The following CNGA1 variants were observed in gnomAD, a reference collection of about 807,000 sequenced individuals.
The protein encoded by CNGA1 is cyclic nucleotide-gated channel alpha-1.
In CNGA1, 53 loss-of-function variants were observed where a neutral mutation model predicts 69.7. The ratio of observed to expected loss-of-function variants is 0.76; its 90% CI spans 0.61 to 0.96. CNGA1 has a LOEUF of 0.96. Among genes scored for constraint, CNGA1 ranks in the 40% least tolerant of loss-of-function variants. The pLI is 0.00. For missense variants in CNGA1, 739 were observed against 811.2 expected (o/e 0.91, Z 1.08); for synonymous variants, 249 against 283.5 (o/e 0.88, Z 1.22).
intron 1 of CNGA1, among the ~76,000 whole-genome samples, chr4:48,013,325 TGATAACACAACCCCATGACACA>T (rs1715247003): frequency 6.6e-6 from 1 of 152,192 alleles, no homozygotes; most frequent in Non-Finnish European, 1.5e-5. Context: ...TTGCCAAGGT[TGATAACACAACCCCATGACACA>T]GCCTCAGGAG....
chr4:48,000,439 G>A (rs941147691), intron 2 of CNGA1, among the ~76,000 whole-genome samples: 6 of 151,326 alleles, frequency 4.0e-5, no homozygotes, highest in East Asian at 3.9e-4. Flanking sequence ...GCATGATCTC[G>A]GCTCACCGCA....
In CNGA1 at chr4:47,936,210, A is replaced by T. The variant is rs1211866457; in HGVS notation, c.*211T>A. On this transcript the variant is annotated 3_prime_UTR_variant, in exon 11 of 11. Coordinates refer to ENST00000514170, the MANE Select transcript of CNGA1 (RefSeq NM_001379270.1). ...TAATCAGTTTATATCTTTGCACATT[A>T]TCAGTTGTGAAAAATCCCAAGATAT... The T allele has an allele frequency of 1.7e-6, 1 of 602,114 alleles. No individual in the cohort carries two copies. The highest frequency in any genetic ancestry group is 2.9e-6 in the Non-Finnish European group (1 of 341,176). 37.3% of individuals were successfully genotyped at this position (602,114 alleles called of 1,614,324 possible).
At chr4:47,972,855 A>G (rs189575886) in intron 3 of CNGA1, among the ~76,000 whole-genome samples, 131 of 152,286 alleles carry the variant, frequency 8.6e-4, no homozygotes, top group African/African-American at 3.0e-3. Flanking sequence ...GAAGCATAAA[A>G]TCCTGCCATC....
chr4:47,943,746 A>T (rs944313302), intron 6 of CNGA1, among the ~76,000 whole-genome samples: 14 of 152,250 alleles, frequency 9.2e-5, no homozygotes, highest in Admixed American at 8.5e-4. Context: ...AATAATATTT[A>T]AAATTTAAGC....
At chr4:47,961,485 G>T (rs1345414844) in intron 3 of CNGA1, among the ~76,000 whole-genome samples, 2 of 152,240 alleles carry the variant, frequency 1.3e-5, no homozygotes, top group Non-Finnish European at 2.9e-5. Flanking sequence ...GCTCATGCCA[G>T]TAATCTCAGC....
At chr4:48,003,105 T>C (rs1023323694) in intron 2 of CNGA1, among the ~76,000 whole-genome samples, 2 of 152,102 alleles carry the variant, frequency 1.3e-5, no homozygotes, top group Non-Finnish European at 2.9e-5. Context: ...GGTCAGAGCA[T>C]CACTGGGTTT....
At chr4:47,959,206 C>T (rs1351844965) in intron 3 of CNGA1, 1 of 152,060 alleles carries the variant, frequency 6.6e-6, no homozygotes, top group Non-Finnish European at 1.5e-5. Context: ...CTCGCAAAAA[C>T]TATCATGTTT....
intron 10 of CNGA1, among the ~76,000 whole-genome samples, chr4:47,939,725 C>T (rs972106542): frequency 3.3e-5 from 5 of 152,126 alleles, no homozygotes; most frequent in African/African-American, 2.4e-5. Context: ...GTAGAGGAAA[C>T]GCCATATACA....
chr4:48,004,136 TA>T (rs948805884), intron 2 of CNGA1, among the ~76,000 whole-genome samples: 7 of 152,214 alleles, frequency 4.6e-5, no homozygotes, highest in African/African-American at 1.7e-4. Flanking sequence ...AATAATAATG[TA>T]AGCTGTTTCT....
At chr4:47,943,044 A>C in intron 8 of CNGA1, 137 bp downstream of exon 8, 1 of 644,872 alleles carries the variant, frequency 1.6e-6, no homozygotes, top group Non-Finnish European at 2.7e-6. Flanking sequence ...TTTATTTTTC[A>C]ATATTTAAAG....
intron 3 of CNGA1, among the ~76,000 whole-genome samples, chr4:47,979,547 A>G (rs1436426926): frequency 6.6e-6 from 1 of 152,186 alleles, no homozygotes; most frequent in Non-Finnish European, 1.5e-5. Context: ...TGATGGGGAT[A>G]TAGTAGAAAA....
At chr4:47,974,800 G>C (rs1465278589) in intron 3 of CNGA1, among the ~76,000 whole-genome samples, 1 of 151,732 alleles carries the variant, frequency 6.6e-6, no homozygotes, top group Admixed American at 6.6e-5. Context: ...GAAACAGCCA[G>C]TGCCTGAAAA....
intron 8 of CNGA1, 22 bp from the exon 9 acceptor site, chr4:47,942,170 G>T (rs780807726): frequency 7.1e-7 from 1 of 1,412,886 alleles, no homozygotes; most frequent in Non-Finnish European, 1.0e-6. Context: ...TAGAAATAAA[G>T]GGGATAGTTA....
intron 3 of CNGA1, among the ~76,000 whole-genome samples, chr4:47,969,936 C>G (rs1740927192): frequency 1.3e-5 from 2 of 152,040 alleles, no homozygotes; most frequent in Non-Finnish European, 2.9e-5. Flanking sequence ...TGATATATGC[C>G]TTCAAGAAAT....
intron 2 of CNGA1, among the ~76,000 whole-genome samples, chr4:47,985,382 G>A (rs896588012): frequency 2.0e-4 from 30 of 152,096 alleles, no homozygotes; most frequent in Non-Finnish European, 4.0e-4. Context: ...ATACACAGAT[G>A]ATGTGATTAT....
chr4:48,013,342 G>T (rs1715247685), intron 1 of CNGA1, among the ~76,000 whole-genome samples: 1 of 152,204 alleles, frequency 6.6e-6, no homozygotes. Context: ...ACAACCCCAT[G>T]ACACAGCCTC....
chr4:47,971,784 C>G (rs1009733751), intron 3 of CNGA1, among the ~76,000 whole-genome samples: 17 of 152,112 alleles, frequency 1.1e-4, no homozygotes, highest in African/African-American at 3.1e-4. Flanking sequence ...GTCCCAGCTA[C>G]TGGGGAGGCT....
At chr4:48,015,181 A>G (rs1345553598) in intron 1 of CNGA1, among the ~76,000 whole-genome samples, 1 of 152,186 alleles carries the variant, frequency 6.6e-6, no homozygotes, top group African/African-American at 2.4e-5. Flanking sequence ...CCGTCTCAAA[A>G]AAAACCAAAC....
intron 3 of CNGA1, among the ~76,000 whole-genome samples, chr4:47,976,335 A>G (rs1403030404): frequency 3.7e-5 from 1 of 26,686 alleles, no homozygotes; most frequent in Non-Finnish European, 1.2e-4. Context: ...ATATATATAT[A>G]TACACATATA....
Sources: allele counts gnomAD v4.1 joint callset (sites outside exome capture counted in the v4.1 genomes callset), GRCh38; gene constraint gnomAD v4.1.1; transcripts MANE v1.5; gene names NCBI Gene and HGNC (gene_info 2026-07-23, HGNC 2026-07-21).